Variants in GJB7 observed in about 807,000 individuals in gnomAD.
GJB7 encodes the protein gap junction protein beta 7, also known as gap junction beta-7 protein.
For missense variants in GJB7, 253 were observed against 256.8 expected (o/e 0.99, Z 0.10); for synonymous variants, 87 against 95.2 (o/e 0.91, Z 0.50).
At chr6:87,300,366 A>G in intron 2 of GJB7, 1 of 222,152 alleles carries the variant, frequency 4.5e-6, no homozygotes, top group Non-Finnish European at 9.8e-6. Flanking sequence ...TGTTAACTAA[A>G]TCATAAGCTG....
chr6:87,324,154 A>G (rs571500182), intron 1 of GJB7, among the ~76,000 whole-genome samples: 35 of 152,036 alleles, frequency 2.3e-4, no homozygotes, highest in African/African-American at 8.2e-4. Context: ...GCTTGAGTTG[A>G]TTGTAGATTC....
chr6:87,287,167 T>C (rs9344697), intron 2 of GJB7, among the ~76,000 whole-genome samples: 96,560 of 152,086 alleles, frequency 0.63, 32,374 homozygotes, highest in African/African-American at 0.86. Context: ...TACCATAACC[T>C]GTAGATATGG....
chr6:87,295,262 T>C (rs1310458025), intron 2 of GJB7, among the ~76,000 whole-genome samples: 1 of 152,176 alleles, frequency 6.6e-6, no homozygotes, highest in Non-Finnish European at 1.5e-5. Context: ...TTTGGAAACA[T>C]AAGATACCTA....
At chr6:87,309,311 G>C (rs1776481586) in intron 2 of GJB7, among the ~76,000 whole-genome samples, 1 of 152,186 alleles carries the variant, frequency 6.6e-6, no homozygotes, top group African/African-American at 2.4e-5. Context: ...AAGGTCAGAG[G>C]CAACAAGACA....
intron 2 of GJB7, among the ~76,000 whole-genome samples, chr6:87,307,819 G>A (rs930930111): frequency 9.9e-5 from 15 of 152,152 alleles, no homozygotes; most frequent in African/African-American, 2.7e-4. Flanking sequence ...ACAGTGTGGC[G>A]ATTCCTCAAG....
chr6:87,284,962 C>A, intron 2 of GJB7, 23 bp from the exon 3 acceptor site: 1 of 1,392,032 alleles, frequency 7.2e-7, no homozygotes, highest in Non-Finnish European at 1.0e-6. Context: ...ACAATTTCAT[C>A]AGGATCCATT....
At chr6:87,288,795 C>T (rs892275147) in intron 2 of GJB7, among the ~76,000 whole-genome samples, 1 of 152,164 alleles carries the variant, frequency 6.6e-6, no homozygotes, top group Admixed American at 6.5e-5. Context: ...GAAATACATA[C>T]CAAAACTTTT....
chr6:87,310,803 C>A (rs59322), intron 2 of GJB7, among the ~76,000 whole-genome samples: 55,735 of 151,992 alleles, frequency 0.37, 11,800 homozygotes, highest in Non-Finnish European at 0.47. Flanking sequence ...TGAACCTTAA[C>A]CAAAACATCT....
chr6:87,295,373 T>C (rs1776234881), intron 2 of GJB7, among the ~76,000 whole-genome samples: 1 of 152,138 alleles, frequency 6.6e-6, no homozygotes, highest in African/African-American at 2.4e-5. Flanking sequence ...CATTACTTAG[T>C]AATGATTGAC....
intron 2 of GJB7, among the ~76,000 whole-genome samples, chr6:87,296,394 T>G (rs1203340846): frequency 6.6e-6 from 1 of 152,186 alleles, no homozygotes; most frequent in South Asian, 2.1e-4. Flanking sequence ...TCTAGAAAAT[T>G]TATATAAATC....
intron 2 of GJB7, among the ~76,000 whole-genome samples, chr6:87,317,200 C>CAAAA (rs113016507): frequency 0.48 from 65,882 of 136,424 alleles, 16,473 homozygotes; most frequent in Non-Finnish European, 0.58. Context: ...ACTAAAAATA[C>CAAAA]AAAAAAAAAA....
intron 2 of GJB7, chr6:87,299,087 G>C: frequency 2.0e-6 from 1 of 508,440 alleles, no homozygotes; most frequent in Non-Finnish European, 3.9e-6. Flanking sequence ...AGAAGCTGGG[G>C]AGGCCATCAC....
rs1410052634 is a variant in GJB7, at chr6:87,284,934, A to G, written c.-22T>C. 6.4e-7 allele frequency: 1 copy of G among 1,572,632 alleles called. No homozygotes were observed. Among genetic ancestry groups the G allele is most frequent in the African/African-American group, 1.4e-5 (1 of 73,442 alleles). ...TCATGACTTAGGCTCAAAAGAAGGC[A>G]AGACTCTGCAAAATAAGACAATTTC... On this transcript the variant is annotated 5_prime_UTR_variant, in exon 3 of 3. Coordinates refer to ENST00000525899, the MANE Select transcript of GJB7 (RefSeq NM_198568.3).
At chr6:87,326,752 G>T (rs1245314582) in intron 1 of GJB7, among the ~76,000 whole-genome samples, 15 of 120,916 alleles carry the variant, frequency 1.2e-4, no homozygotes, top group African/African-American at 4.7e-4. Context: ...TGTTGATTTG[G>T]GGTGGAGAGT....
chr6:87,300,373 G>C, intron 2 of GJB7: 1 of 227,562 alleles, frequency 4.4e-6, no homozygotes, highest in South Asian at 7.8e-5. Context: ...TAAATCATAA[G>C]CTGTAATTAC....
chr6:87,284,501 A>G lies in GJB7; in HGVS notation c.412T>C (p.Phe138Leu). 6.2e-7 allele frequency: 1 copy of G among 1,614,160 alleles called. No individual in the cohort carries two copies. Among genetic ancestry groups the G allele is most frequent in the Non-Finnish European group, 8.5e-7 (1 of 1,180,022 alleles). The change falls in exon 3 of 3, where the codon TTC (phenylalanine) becomes CTC (leucine). Residue 138 changes from phenylalanine to leucine, a missense_variant. By Grantham distance (22) the Phe-to-Leu change is conservative. Coordinates refer to ENST00000525899, the MANE Select transcript of GJB7 (RefSeq NM_198568.3). ...LIVKTGFEIGFLVLFYKLYDG... is the reference protein window; with the variant it reads ...LIVKTGFEIGLLVLFYKLYDG... ...TATAGCTTATAAAATAAAACAAGGA[A>G]GCCAATTTCAAAACCAGTTTTAACA...
chr6:87,304,274 C>T (rs949534889), intron 2 of GJB7, among the ~76,000 whole-genome samples: 1 of 152,048 alleles, frequency 6.6e-6, no homozygotes, highest in East Asian at 1.9e-4. Flanking sequence ...AATTGATAGA[C>T]CGCTAGCAAG....
At chr6:87,295,025 G>A (rs1440627264) in intron 2 of GJB7, among the ~76,000 whole-genome samples, 3 of 151,990 alleles carry the variant, frequency 2.0e-5, no homozygotes, top group Non-Finnish European at 1.5e-5. Context: ...TTTTTATAAT[G>A]GTTAAATGAA....
intron 2 of GJB7, among the ~76,000 whole-genome samples, chr6:87,286,520 G>A (rs937897093): frequency 6.6e-6 from 1 of 152,068 alleles, no homozygotes; most frequent in Admixed American, 6.5e-5. Flanking sequence ...GTACATCCAC[G>A]ATGCTATTTA....
Sources: allele counts gnomAD v4.1 joint callset (sites outside exome capture counted in the v4.1 genomes callset), GRCh38; gene constraint gnomAD v4.1.1; transcripts MANE v1.5; gene names NCBI Gene and HGNC (gene_info 2026-07-23, HGNC 2026-07-21).